HOXB3: variants seen among roughly 807,000 people sequenced by gnomAD.
HOXB3 encodes homeobox B3.
In HOXB3, 17 loss-of-function variants were observed where a neutral mutation model predicts 29.2. That is an observed-to-expected ratio of 0.58 (90% CI 0.40 to 0.87). The LOEUF (loss-of-function observed/expected upper bound fraction) is 0.87. Ranked by LOEUF, HOXB3 falls within the 40% of genes least tolerant of loss-of-function variation. The probability of loss-of-function intolerance (pLI) is 0.00; values close to 1 mark genes in which losing one functional copy is unlikely to be tolerated. For missense variants in HOXB3, 637 were observed against 616.3 expected (o/e 1.03, Z -0.35); for synonymous variants, 317 against 285.9 (o/e 1.11, Z -1.10).
intron 2 of HOXB3, among the ~76,000 whole-genome samples, chr17:48,561,049 G>C (rs1028005174): frequency 1.3e-5 from 2 of 152,054 alleles, no homozygotes; most frequent in Non-Finnish European, 2.9e-5. Flanking sequence ...GTGTGGTGGC[G>C]CATGCCTGTA....
At chr17:48,577,955 C>G in intron 1 of HOXB3, 1 of 1,320,712 alleles carries the variant, frequency 7.6e-7, no homozygotes, top group Non-Finnish European at 9.7e-7. Flanking sequence ...GTTCTGGGCG[C>G]AGGGAGGCGG....
In HOXB3 at chr17:48,555,550, A is replaced by C. The variant is rs1428067023; in HGVS notation, c.-178T>G. ...GCTTACCTTAGCCACCGACGAGGGGAGAACAGGCAGACATAATATATATTC... is the reference window on the plus strand; with the variant it reads ...GCTTACCTTAGCCACCGACGAGGGGCGAACAGGCAGACATAATATATATTC... On this transcript the variant is annotated 5_prime_UTR_variant, in exon 3 of 5. Transcript: ENST00000498678. The C allele has an allele frequency of 1.4e-6, 1 of 702,754 alleles. No individual in the cohort carries two copies. Among genetic ancestry groups the C allele is most frequent in the East Asian group, 2.7e-5 (1 of 37,276 alleles). 43.5% of individuals were successfully genotyped at this position (702,754 alleles called of 1,614,324 possible).
intron 1 of HOXB3, chr17:48,580,403 A>G (rs1485333440): frequency 6.6e-6 from 1 of 151,678 alleles, no homozygotes; most frequent in Non-Finnish European, 1.5e-5. Flanking sequence ...GATCAAACGA[A>G]TATCTAGATA....
In HOXB3 at chr17:48,550,407, G is replaced by T. The variant is rs764116024; in HGVS notation, c.1223C>A (p.Thr408Lys). Residue 408 changes from threonine to lysine, a missense_variant, in exon 5 of 5, where the codon ACA (threonine) becomes AAA (lysine). Physicochemically the swap from Thr to Lys is moderately conservative, Grantham distance 78. Transcript: ENST00000498678. ...HGPCEPHPTY[T>K]DLSSHHAPPP... Reference sequence around the variant, plus strand: ...AGGCGCGTGGTGAGAGGAGAGGTCTGTGTAGGTGGGGTGGGGTTCGCAGGG... The same window carrying T: ...AGGCGCGTGGTGAGAGGAGAGGTCTTTGTAGGTGGGGTGGGGTTCGCAGGG... 6.2e-7 allele frequency: 1 copy of T among 1,614,110 alleles called. No homozygotes were observed. Among genetic ancestry groups the T allele is most frequent in the South Asian group, 1.1e-5 (1 of 91,088 alleles).
At chr17:48,577,913 C>T (rs2069818853) in intron 1 of HOXB3, 4 of 1,375,884 alleles carry the variant, frequency 2.9e-6, no homozygotes, top group African/African-American at 1.5e-5. Flanking sequence ...GGGCTCTTTG[C>T]ACGCGGAGTG....
chr17:48,578,073 G>T, intron 1 of HOXB3: 1 of 1,091,472 alleles, frequency 9.2e-7, no homozygotes, highest in South Asian at 4.4e-5. Flanking sequence ...GGTGGCGGGG[G>T]CGGCGGGGGT....
Position 48,551,139 on chromosome 17 carries a change from C to A in HOXB3, c.491G>T (p.Gly164Val). The A allele has an allele frequency of 7.6e-7, 1 of 1,319,550 alleles. No individual in the cohort carries two copies. 81.7% of individuals were successfully genotyped at this position (1,319,550 alleles called of 1,614,324 possible). The change falls in exon 5 of 5, where the codon GGC (glycine) becomes GTC (valine). Residue 164 changes from glycine to valine, a missense_variant. By Grantham distance (109) the Gly-to-Val change is moderately radical (BLOSUM62 -3). Transcript: ENST00000498678. ...GCCACCGCCCCCGCTGCCACCACTG[C>A]CTCCGCCGCCGCCGCCACCGCCGCC... ...GGGGGGGGGG[G>V]SGGSGGGGGG...
Position 48,550,763 on chromosome 17 carries a change from C to A in HOXB3, c.867G>T (p.Pro289=). The A allele has an allele frequency of 6.3e-7, 1 of 1,598,880 alleles. No homozygotes were observed. Among genetic ancestry groups the A allele is most frequent in the South Asian group, 1.1e-5 (1 of 89,564 alleles). Reference sequence around the variant, plus strand: ...GGGCTTTACCGAAGGCGGGTGGGGACGGGCTCTCGTAGCTGGGGGTCATGG... The same window carrying A: ...GGGCTTTACCGAAGGCGGGTGGGGAAGGGCTCTCGTAGCTGGGGGTCATGG... The part of the protein sequence containing the change: ...LHSMTPSYES[P]SPPAFGKAHQ... Residue 289 remains proline (P), a synonymous_variant, in exon 5 of 5, where the codon CCG becomes CCT. Transcript: ENST00000498678.
intron 1 of HOXB3, chr17:48,575,406 A>T (rs2069727029): frequency 1.3e-5 from 2 of 152,192 alleles, no homozygotes; most frequent in Admixed American, 1.3e-4. Context: ...AAAATCTTCA[A>T]CCACACACAA....
chr17:48,589,945 T>C (rs2070118215), intron 1 of HOXB3, among the ~76,000 whole-genome samples, 180 bp downstream of exon 1: 1 of 152,072 alleles, frequency 6.6e-6, no homozygotes, highest in African/African-American at 2.4e-5. Flanking sequence ...CCCCGACCGA[T>C]GAGGCCTTAA....
intron 1 of HOXB3, chr17:48,576,789 G>A: frequency 6.2e-7 from 1 of 1,614,074 alleles, no homozygotes; most frequent in Non-Finnish European, 8.5e-7. Context: ...CGCACCACCC[G>A]AGCGGATCTT....
In HOXB3 at chr17:48,550,552, C is replaced by A. The variant is rs538675287; in HGVS notation, c.1078G>T (p.Asp360Tyr). The change falls in exon 5 of 5, where the codon GAT becomes TAT. Residue 360 changes from aspartate to tyrosine, a missense_variant. By Grantham distance (160) the Asp-to-Tyr change is radical (BLOSUM62 -3). Transcript: ENST00000498678. ...PVYVGGGGYA[D>Y]PLPPPAGPSL... is the part of the protein sequence containing the mutation. ...GGGCCGGCAGGGGGCGGCAGCGGAT[C>A]CGCGTAGCCGCCCCCGCCCACGTAC... 4 of 1,523,202 alleles carry A rather than the reference C, an allele frequency of 2.6e-6. No homozygotes were observed. Among genetic ancestry groups the A allele is most frequent in the Non-Finnish European group, 3.5e-6 (4 of 1,147,802 alleles). The allele number at this position is 1,523,202 out of a possible 1,614,324, so 94.4% of individuals were successfully genotyped here.
rs62637583 is a variant in HOXB3, at chr17:48,552,117, C to T, written c.358G>A (p.Gly120Ser). Residue 120 changes from glycine (G) to serine (S), a missense_variant, in exon 4 of 5, where the codon GGC (glycine) becomes AGC (serine). Coordinates refer to ENST00000498678, the MANE Select transcript of HOXB3 (RefSeq NM_001384749.1). Reference sequence around the variant, plus strand: ...TGTTTGGTGAGGGTGGAGTTGGTGCCGGGACCGCACTTTGGGGGACCACTT... The same window carrying T: ...TGTTTGGTGAGGGTGGAGTTGGTGCTGGGACCGCACTTTGGGGGACCACTT... ...SKSGPPKCGP[G>S]TNSTLTKQIF... 6.5e-4 allele frequency: 1,048 copies of T among 1,613,728 alleles called. 6 individuals carry two copies. In the African/African-American group the frequency reaches 0.012, roughly 19 times the overall value.
intron 1 of HOXB3, among the ~76,000 whole-genome samples, chr17:48,577,506 ACT>A (rs2069805750): frequency 6.6e-6 from 1 of 151,944 alleles, no homozygotes; most frequent in African/African-American, 2.4e-5. Context: ...AGTTGACTCA[ACT>A]CTCTGCTTAA....
At chr17:48,577,789 C>CCCA in intron 1 of HOXB3, 1 of 1,272,072 alleles carries the variant, frequency 7.9e-7, no homozygotes, top group African/African-American at 1.6e-5. Context: ...AACCCCCCCC[C>CCCA]AACCCATGCC....
At chr17:48,578,598 C>A (rs2069851109) in intron 1 of HOXB3, 55 of 375,468 alleles carry the variant, frequency 1.5e-4, no homozygotes, top group South Asian at 1.5e-3. Flanking sequence ...TGCGGGGCGA[C>A]CCCCTCCTTG....
chr17:48,569,564 TTC>T (rs1184033961), intron 2 of HOXB3, among the ~76,000 whole-genome samples: 2 of 152,188 alleles, frequency 1.3e-5, no homozygotes, highest in Non-Finnish European at 2.9e-5. Context: ...CTTCCAGTTC[TTC>T]TCTCTGCATC....
rs767484249 is a variant in HOXB3, at chr17:48,550,472, G to T, written c.1158C>A (p.Tyr386Ter). 6.2e-7 allele frequency: 1 copy of T among 1,611,228 alleles called. No individual in the cohort carries two copies. Among genetic ancestry groups the T allele is most frequent in the Non-Finnish European group, 8.5e-7 (1 of 1,179,422 alleles). ...LSHHPSGNLD[Y>*]NGAPPMAPSQ... ...TGGGCGCCATAGGGGGCGCCCCGTT[G>T]TAGTCCAGGTTCCCGGAAGGGTGAT... Residue 386 changes from tyrosine (Y) to a stop codon, truncating the protein, a stop_gained, in exon 5 of 5, where the codon TAC (tyrosine) becomes TAA (stop). Coordinates refer to ENST00000498678, the MANE Select transcript of HOXB3 (RefSeq NM_001384749.1). LOFTEE classifies it high-confidence loss of function.
rs978222863 is a variant in HOXB3, at chr17:48,552,448, G to T, written c.27C>A (p.Asn9Lys). MQKATYYD[N>K]AAAALFGGYS... ...AGCCTCCGAAGAGAGCAGCCGCGGCGTTGTCGTAGTAGGTGGCTTTCTGCA... is the reference window on the plus strand; with the variant it reads ...AGCCTCCGAAGAGAGCAGCCGCGGCTTTGTCGTAGTAGGTGGCTTTCTGCA... Residue 9 changes from asparagine to lysine, a missense_variant, in exon 4 of 5, where the codon AAC becomes AAA. Asn to Lys is a moderately conservative substitution (Grantham distance 94). Coordinates refer to ENST00000498678, the MANE Select transcript of HOXB3 (RefSeq NM_001384749.1). 1 of 1,579,868 alleles carries T rather than the reference G, an allele frequency of 6.3e-7. No individual in the cohort carries two copies. Among genetic ancestry groups the T allele is most frequent in the Non-Finnish European group, 8.6e-7 (1 of 1,160,146 alleles).
Sources: allele counts gnomAD v4.1 joint callset (sites outside exome capture counted in the v4.1 genomes callset), GRCh38; gene constraint gnomAD v4.1.1; transcripts MANE v1.5; gene names NCBI Gene and HGNC (gene_info 2026-07-23, HGNC 2026-07-21).